The following GOLM1 variants were observed in gnomAD, a reference collection of about 807,000 sequenced individuals.
The protein encoded by GOLM1 is golgi membrane protein 1.
GOLM1 carries 31 observed loss-of-function variants against 50.5 expected under a neutral mutation model. The ratio of observed to expected loss-of-function variants is 0.61; its 90% CI spans 0.46 to 0.83. GOLM1 has a LOEUF of 0.83. Ranked by LOEUF, GOLM1 falls within the 40% of genes least tolerant of loss-of-function variation. GOLM1 has a pLI of 0.00. For missense variants in GOLM1, 491 were observed against 501.3 expected, an observed-to-expected ratio of 0.98 and a Z score of 0.20; for synonymous variants, 178 against 192.8, an observed-to-expected ratio of 0.92 and a Z score of 0.64.
chr9:86,088,138 G>T (rs1034562774), intron 1 of GOLM1, among the ~76,000 whole-genome samples: 2 of 151,838 alleles, frequency 1.3e-5, no homozygotes, highest in African/African-American at 4.8e-5. Context: ...GTCTATTCAG[G>T]GATTTGACTT....
intron 3 of GOLM1, among the ~76,000 whole-genome samples, chr9:86,068,469 GA>G (rs1462069179): frequency 6.6e-6 from 1 of 152,224 alleles, no homozygotes; most frequent in Non-Finnish European, 1.5e-5. Context: ...AGCCCTTGCT[GA>G]AAAGAAGCCA....
intron 9 of GOLM1, among the ~76,000 whole-genome samples, chr9:86,030,870 AT>A (rs1242259952): frequency 7.2e-5 from 11 of 152,366 alleles, no homozygotes; most frequent in South Asian, 2.1e-4. Flanking sequence ...GGTAAAAAAA[AT>A]GTAAGTATTA....
chr9:86,065,701 G>A (rs1461523453), intron 3 of GOLM1, among the ~76,000 whole-genome samples: 2 of 152,150 alleles, frequency 1.3e-5, no homozygotes, highest in Non-Finnish European at 2.9e-5. Context: ...TCTGTCTCAA[G>A]CGACAAGAAT....
intron 5 of GOLM1, among the ~76,000 whole-genome samples, 180 bp downstream of exon 5, chr9:86,046,290 G>A (rs1234408298): frequency 6.6e-6 from 1 of 152,180 alleles, no homozygotes; most frequent in Admixed American, 6.5e-5. Flanking sequence ...ATTTCCTGCT[G>A]AGAGCTGGCC....
At chr9:86,095,694 G>C (rs1249303499) in intron 1 of GOLM1, among the ~76,000 whole-genome samples, 1 of 152,206 alleles carries the variant, frequency 6.6e-6, no homozygotes, top group Non-Finnish European at 1.5e-5. Context: ...GAGCCCAGCA[G>C]GGCTGAAAAC....
intron 5 of GOLM1, among the ~76,000 whole-genome samples, chr9:86,041,360 A>G (rs2118675268): frequency 6.6e-6 from 1 of 152,288 alleles, no homozygotes; most frequent in African/African-American, 2.4e-5. Flanking sequence ...GGAAAGTTGG[A>G]ACTTTCAGCT....
At position 86,060,210 on chromosome 9, in the gene GOLM1, C is replaced by T. The variant is rs549027555; in HGVS notation, c.310-7619G>A. ...CACTTGTAGGACATCTCAGCTGGGA[C>T]ATGCTAAGTGCTCACAGCCACCTGC... On this transcript the variant is annotated intron_variant, in intron 3 of 9. Transcript: ENST00000388712. Among the ~76,000 whole-genome samples the T allele has an allele frequency of 7.9e-5, 12 of 152,208 alleles. No homozygotes were observed. The South Asian group carries it at 2.5e-3, about 32-fold the overall frequency.
intron 1 of GOLM1, among the ~76,000 whole-genome samples, chr9:86,097,474 A>G (rs2118919391): frequency 6.6e-6 from 1 of 152,248 alleles, no homozygotes; most frequent in African/African-American, 2.4e-5. Flanking sequence ...TTATTTCAAG[A>G]AAAAACAAGT....
chr9:86,058,744 C>T (rs975176823), intron 3 of GOLM1, among the ~76,000 whole-genome samples: 21 of 148,564 alleles, frequency 1.4e-4, no homozygotes, highest in African/African-American at 5.3e-4. Flanking sequence ...CGCCTGTAAT[C>T]CCAGCACTTT....
chr9:86,093,431 G>A (rs1835250039), intron 1 of GOLM1, among the ~76,000 whole-genome samples: 2 of 151,342 alleles, frequency 1.3e-5, no homozygotes, highest in Admixed American at 6.6e-5. Context: ...TTATCTGGGT[G>A]TGGTGGCACA....
intron 5 of GOLM1, 81 bp downstream of exon 5, chr9:86,046,389 G>A (rs1416485970): frequency 1.3e-5 from 11 of 817,250 alleles, no homozygotes; most frequent in East Asian, 5.1e-5. Flanking sequence ...ATGCTCTATC[G>A]GAGGTTACAT....
At chr9:86,057,044 G>A (rs1171051001) in intron 3 of GOLM1, among the ~76,000 whole-genome samples, 2 of 152,138 alleles carry the variant, frequency 1.3e-5, no homozygotes, top group Non-Finnish European at 2.9e-5. Context: ...TTTTGGTGCA[G>A]AGGGACTTTA....
At chr9:86,030,512 A>C (rs1832942891) in intron 9 of GOLM1, among the ~76,000 whole-genome samples, 1 of 152,214 alleles carries the variant, frequency 6.6e-6, no homozygotes, top group Admixed American at 6.5e-5. Flanking sequence ...TTGTTGAAAA[A>C]TCAGACAAGC....
Position 86,026,310 on chromosome 9 carries a change from G to A in GOLM1, c.*1507C>T, listed in dbSNP as rs1832780587. On this transcript the variant is annotated 3_prime_UTR_variant, in exon 10 of 10. Coordinates refer to ENST00000388712, the MANE Select transcript of GOLM1 (RefSeq NM_016548.4). ...TTAGAAGAGTATGAAAGTACTCTAAGATTTTATCTAAGTTGCCTTTTCTGG... is the reference window on the plus strand; with the variant it reads ...TTAGAAGAGTATGAAAGTACTCTAAAATTTTATCTAAGTTGCCTTTTCTGG... The A allele has an allele frequency of 1.0e-6, 1 of 984,722 alleles. No individual in the cohort carries two copies. The highest frequency in any genetic ancestry group is 1.2e-6 in the Non-Finnish European group (1 of 829,292). 61.0% of individuals were successfully genotyped at this position (984,722 alleles called of 1,614,324 possible). A position where few individuals can be genotyped will look rare whatever the true frequency, so the allele number is the denominator to read the frequency against.
At chr9:86,087,515 T>C (rs1442215947) in intron 1 of GOLM1, among the ~76,000 whole-genome samples, 4 of 152,356 alleles carry the variant, frequency 2.6e-5, no homozygotes, top group East Asian at 3.9e-4. Flanking sequence ...CCTTGTCTTG[T>C]GGCAGTTTTC....
chr9:86,059,031 A>G (rs185415305), intron 3 of GOLM1, among the ~76,000 whole-genome samples: 1 of 152,220 alleles, frequency 6.6e-6, no homozygotes, highest in Admixed American at 6.5e-5. Context: ...AAAAAGGAAA[A>G]TAACAAGTGT....
chr9:86,065,013 A>T (rs1834267502), intron 3 of GOLM1, among the ~76,000 whole-genome samples: 1 of 152,204 alleles, frequency 6.6e-6, no homozygotes, highest in East Asian at 1.9e-4. Flanking sequence ...AGAACAGAGA[A>T]AGTGGGGTGC....
chr9:86,042,154 G>A (rs916002988), intron 5 of GOLM1, among the ~76,000 whole-genome samples: 1 of 152,180 alleles, frequency 6.6e-6, no homozygotes, highest in Non-Finnish European at 1.5e-5. Context: ...GAGGACACTC[G>A]GTTGAATTGC....
chr9:86,027,788 T>C lies in GOLM1; in HGVS notation c.*29A>G. 6 of 1,608,716 alleles carry C rather than the reference T, an allele frequency of 3.7e-6. No homozygotes were observed. Among genetic ancestry groups the C allele is most frequent in the Non-Finnish European group, 5.1e-6 (6 of 1,177,246 alleles). On this transcript the variant is annotated 3_prime_UTR_variant, in exon 10 of 10. Coordinates refer to ENST00000388712, the MANE Select transcript of GOLM1 (RefSeq NM_016548.4). ...CATTTTATAGTCATCTCTTCGGCCCTGTTGTGAAATATGTGATTCCAGTTC... is the reference window on the plus strand; with the variant it reads ...CATTTTATAGTCATCTCTTCGGCCCCGTTGTGAAATATGTGATTCCAGTTC...
Sources: gnomAD v4.1 joint callset for allele counts (sites outside exome capture counted in the v4.1 genomes callset) on GRCh38, gnomAD v4.1.1 for gene constraint, MANE v1.5 for transcripts, NCBI Gene and HGNC (gene_info 2026-07-23, HGNC 2026-07-21) for gene names.